The following RNF6 variants were observed in gnomAD, a reference collection of about 807,000 sequenced individuals.
RNF6 encodes ring finger protein 6.
Under a neutral mutation model 50.1 loss-of-function variants are expected in RNF6, and 21 were observed. That is an observed-to-expected ratio of 0.42 (90% CI 0.30 to 0.60). RNF6 has a LOEUF of 0.60. Among genes scored for constraint, RNF6 ranks in the 20% least tolerant of loss-of-function variants. RNF6 has a pLI of 0.20. For synonymous variants in RNF6, 255 were observed against 291.8 expected, an observed-to-expected ratio of 0.87 and a Z score of 1.29; for missense variants, 698 against 838.2, an observed-to-expected ratio of 0.83 and a Z score of 2.07.
chr13:26,203,920 T>C (rs1868992403), intron 5 of RNF6, among the ~76,000 whole-genome samples: 3 of 152,096 alleles, frequency 2.0e-5, no homozygotes, highest in Non-Finnish European at 4.4e-5. Context: ...GCCACTGCAC[T>C]CCAGCCTGGG....
At chr13:26,155,219 C>T (rs942846830) in intron 5 of RNF6, among the ~76,000 whole-genome samples, 3 of 151,534 alleles carry the variant, frequency 2.0e-5, no homozygotes, top group Non-Finnish European at 2.9e-5. Flanking sequence ...CAGTAAGCTA[C>T]GATCATGCCA....
chr13:26,219,901 G>T (rs930577732), intron 2 of RNF6, among the ~76,000 whole-genome samples: 2 of 152,188 alleles, frequency 1.3e-5, no homozygotes, highest in East Asian at 3.9e-4. Flanking sequence ...ACTGGATTTG[G>T]GTTTACCACA....
Position 26,172,589 on chromosome 13 carries a change from G to T in RNF6, n.769-40138C>A, listed in dbSNP as rs60381245. On this transcript the variant is annotated intron_variant and non_coding_transcript_variant, in intron 5 of 5. Transcript: ENST00000468480. ...GATGGAATCTTGCTCTGTCGCCCAG[G>T]CTGGAGTGCAGTGGCGCGATCTGGG... Among the ~76,000 whole-genome samples, 220 of 150,206 alleles carry T rather than the reference G, an allele frequency of 1.5e-3. 6 individuals are homozygous for T. The East Asian group carries it at 0.037, about 25-fold the overall frequency.
At chr13:26,198,319 A>ATCTT (rs971770554) in intron 5 of RNF6, among the ~76,000 whole-genome samples, 1 of 151,928 alleles carries the variant, frequency 6.6e-6, no homozygotes, top group Non-Finnish European at 1.5e-5. Flanking sequence ...TGCTCAGAAG[A>ATCTT]GGTCAGTGTT....
chr13:26,188,623 CTTTTTTTTTTTT>C (rs1163881143), intron 5 of RNF6, among the ~76,000 whole-genome samples: 398 of 43,286 alleles, frequency 9.2e-3, no homozygotes, highest in Non-Finnish European at 0.013. Context: ...GTCAAAAGAG[CTTTTTTTTTTTT>C]TTTTTTTTTT....
chr13:26,181,310 G>T (rs1163410628), intron 5 of RNF6, among the ~76,000 whole-genome samples: 1 of 152,214 alleles, frequency 6.6e-6, no homozygotes, highest in Non-Finnish European at 1.5e-5. Flanking sequence ...GAAAAAGAAT[G>T]GTTGGGAACA....
intron 5 of RNF6, among the ~76,000 whole-genome samples, chr13:26,195,681 C>T (rs1378963356): frequency 2.6e-5 from 4 of 152,248 alleles, no homozygotes; most frequent in African/African-American, 9.6e-5. Context: ...TAAGATAACA[C>T]AATTAGTAAA....
intron 5 of RNF6, among the ~76,000 whole-genome samples, chr13:26,175,771 A>G (rs776882916): frequency 2.0e-5 from 3 of 152,190 alleles, no homozygotes; most frequent in Non-Finnish European, 2.9e-5. Context: ...GCAAGTGTGC[A>G]CTTCCAAGTC....
chr13:26,180,160 T>C (rs1468560442), intron 5 of RNF6, among the ~76,000 whole-genome samples: 1 of 152,186 alleles, frequency 6.6e-6, no homozygotes, highest in African/African-American at 2.4e-5. Flanking sequence ...AGTGACCCTG[T>C]TGGCCCCAAA....
chr13:26,170,175 T>G (rs777808432), intron 5 of RNF6, among the ~76,000 whole-genome samples: 2 of 151,406 alleles, frequency 1.3e-5, no homozygotes, highest in Non-Finnish European at 2.9e-5. Context: ...AGGCTTTAGA[T>G]AATGGTGGGC....
intron 5 of RNF6, among the ~76,000 whole-genome samples, chr13:26,186,353 T>C (rs1348551581): frequency 6.6e-6 from 1 of 152,202 alleles, no homozygotes; most frequent in Non-Finnish European, 1.5e-5. Context: ...CCAGTGCGTG[T>C]GTAAGACCGC....
chr13:26,194,831 C>T (rs1232208614), intron 5 of RNF6, among the ~76,000 whole-genome samples: 1 of 152,152 alleles, frequency 6.6e-6, no homozygotes. Context: ...CTAGGCCAGT[C>T]TTGTCTTTTC....
At chr13:26,135,611 A>G (rs1870607699) in intron 5 of RNF6, 1 of 152,212 alleles carries the variant, frequency 6.6e-6, no homozygotes, top group South Asian at 2.1e-4. Context: ...AATAAAATAA[A>G]TGATATTGAA....
chr13:26,206,895 C>T (rs1309385722), intron 5 of RNF6, among the ~76,000 whole-genome samples: 2 of 150,344 alleles, frequency 1.3e-5, no homozygotes, highest in African/African-American at 4.9e-5. Flanking sequence ...ACACTTTTCC[C>T]TTCATGGGCC....
At chr13:26,133,199 A>T (rs1870479614) in intron 5 of RNF6, among the ~76,000 whole-genome samples, 1 of 151,886 alleles carries the variant, frequency 6.6e-6, no homozygotes, top group Non-Finnish European at 1.5e-5. Flanking sequence ...TTTTATGAAA[A>T]TTTTTCTGTT....
chr13:26,168,841 A>G (rs1456244527), intron 5 of RNF6, among the ~76,000 whole-genome samples: 2 of 152,174 alleles, frequency 1.3e-5, no homozygotes, highest in African/African-American at 2.4e-5. Context: ...TATCTCTACA[A>G]AAAATTTAAA....
intron 5 of RNF6, among the ~76,000 whole-genome samples, chr13:26,140,644 A>C (rs1343283472): frequency 1.3e-5 from 2 of 152,312 alleles, no homozygotes; most frequent in Non-Finnish European, 2.9e-5. Context: ...CCAATCAGGC[A>C]AGACAAAGAA....
chr13:26,212,060 G>A (rs1869349255), downstream of RNF6, among the ~76,000 whole-genome samples: 1 of 152,024 alleles, frequency 6.6e-6, no homozygotes, highest in Non-Finnish European at 1.5e-5. Context: ...GATGACAACT[G>A]GTAATAAAAA....
Position 26,135,964 on chromosome 13 carries a change from C to T in RNF6, n.769-3513G>A, listed in dbSNP as rs145593674. The stretch of plus-strand genomic sequence containing the variant: ...ACTGTGATCATAAGTTTCCAGGGGC[C>T]TTCACCAGAAGCAGCTGCTGGCACT... On this transcript the variant is annotated intron_variant and non_coding_transcript_variant, in intron 5 of 5. Coordinates refer to the RNF6 transcript ENST00000468480. 5.2e-3 allele frequency among the ~76,000 whole-genome samples: 789 copies of T among 152,274 alleles called. 6 individuals carry two copies. The highest frequency in any genetic ancestry group is 8.9e-3 in the Non-Finnish European group (604 of 68,016).
Sources: gnomAD v4.1 joint callset for allele counts (sites outside exome capture counted in the v4.1 genomes callset) on GRCh38, gnomAD v4.1.1 for gene constraint, MANE v1.5 for transcripts, NCBI Gene and HGNC (gene_info 2026-07-23, HGNC 2026-07-21) for gene names.